Variants in MACROD2 observed in about 807,000 individuals in gnomAD.
MACROD2 encodes the protein mono-ADP ribosylhydrolase 2, also known as ADP-ribose glycohydrolase MACROD2.
A neutral mutation model predicts 70.4 loss-of-function variants in MACROD2; 36 were observed. That is an observed-to-expected ratio of 0.51 (90% confidence interval 0.39 to 0.68). The LOEUF is 0.68. MACROD2 is among the 30% of genes least tolerant of loss of function. MACROD2 has a pLI of 0.00. For synonymous variants in MACROD2, 172 were observed against 178.8 expected (o/e 0.96, Z 0.30); for missense variants, 496 against 538.4 (o/e 0.92, Z 0.78).
At chr20:14,448,655 G>C (rs778001846) in intron 3 of MACROD2, among the ~76,000 whole-genome samples, 1 of 151,162 alleles carries the variant, frequency 6.6e-6, no homozygotes, top group Non-Finnish European at 1.5e-5. Flanking sequence ...GCAATAGATC[G>C]ACACTCCCTC....
At chr20:14,406,789 T>C (rs2122853227) in intron 3 of MACROD2, among the ~76,000 whole-genome samples, 1 of 152,332 alleles carries the variant, frequency 6.6e-6, no homozygotes, top group Non-Finnish European at 1.5e-5. Flanking sequence ...TAAGTCATTC[T>C]GTAAATACTT....
intron 5 of MACROD2, among the ~76,000 whole-genome samples, chr20:15,179,338 A>G (rs1222632398): frequency 2.0e-5 from 3 of 152,176 alleles, no homozygotes. Flanking sequence ...CAGATTGTTT[A>G]GTAAATTACC....
chr20:15,468,495 C>T (rs568937642), intron 7 of MACROD2, among the ~76,000 whole-genome samples: 1 of 152,044 alleles, frequency 6.6e-6, no homozygotes, highest in Non-Finnish European at 1.5e-5. Context: ...ATGGCATTAT[C>T]TATGAAAACA....
chr20:16,050,106 C>T lies in MACROD2; in HGVS notation c.*230C>T. 1 of 423,966 alleles carries T rather than the reference C, an allele frequency of 2.4e-6. No individual in the cohort carries two copies. Among genetic ancestry groups the T allele is most frequent in the Non-Finnish European group, 4.3e-6 (1 of 233,020 alleles). The allele number at this position is 423,966 out of a possible 1,614,324, so 26.3% of individuals were successfully genotyped here. Reference sequence around the variant, plus strand: ...TTTGGTGGAGGGACCCATGTTGACGCATCTTTCAGGCATTATCCTTGTAAT... The same window carrying T: ...TTTGGTGGAGGGACCCATGTTGACGTATCTTTCAGGCATTATCCTTGTAAT... On this transcript the variant is annotated 3_prime_UTR_variant, in exon 18 of 18. Coordinates refer to ENST00000684519, the MANE Select transcript of MACROD2 (RefSeq NM_001351661.2).
At chr20:14,302,891 A>T (rs1223944129) in intron 3 of MACROD2, among the ~76,000 whole-genome samples, 2 of 151,770 alleles carry the variant, frequency 1.3e-5, no homozygotes, top group Non-Finnish European at 2.9e-5. Flanking sequence ...TAACCTCATG[A>T]CCCACCCGCC....
At chr20:14,183,965 A>T (rs2081325202) in intron 3 of MACROD2, among the ~76,000 whole-genome samples, 1 of 151,802 alleles carries the variant, frequency 6.6e-6, no homozygotes, top group African/African-American at 2.4e-5. Context: ...GTTTGCAAAA[A>T]TTTTCTTTCA....
intron 10 of MACROD2, among the ~76,000 whole-genome samples, chr20:15,913,870 A>C (rs941256251): frequency 6.6e-6 from 1 of 152,256 alleles, no homozygotes; most frequent in African/African-American, 2.4e-5. Flanking sequence ...AATACTAGGC[A>C]CTCAGTAAAT....
chr20:15,348,504 A>G (rs2078191126), intron 6 of MACROD2, among the ~76,000 whole-genome samples: 1 of 152,216 alleles, frequency 6.6e-6, no homozygotes, highest in South Asian at 2.1e-4. Flanking sequence ...GCTAAAGAAT[A>G]TGAGTGTGTA....
intron 3 of MACROD2, among the ~76,000 whole-genome samples, chr20:14,371,810 CTCTTTTCTTT>C (rs887754335): frequency 6.6e-6 from 1 of 151,928 alleles, no homozygotes; most frequent in Admixed American, 6.6e-5. Flanking sequence ...TCCATGATTG[CTCTTTTCTTT>C]TCTTTTCTTT....
intron 5 of MACROD2, among the ~76,000 whole-genome samples, chr20:14,746,776 G>C (rs1340201317): frequency 2.0e-5 from 3 of 152,164 alleles, no homozygotes; most frequent in African/African-American, 7.2e-5. Context: ...TTTCAAAAAG[G>C]GTCTAATTTA....
At chr20:14,658,321 G>A (rs1442102436) in intron 4 of MACROD2, among the ~76,000 whole-genome samples, 1 of 152,040 alleles carries the variant, frequency 6.6e-6, no homozygotes, top group African/African-American at 2.4e-5. Flanking sequence ...AAAATTGTCT[G>A]GAGACAGATA....
At chr20:15,726,791 G>T (rs778603375) in intron 8 of MACROD2, among the ~76,000 whole-genome samples, 14 of 151,930 alleles carry the variant, frequency 9.2e-5, no homozygotes, top group Non-Finnish European at 2.1e-4. Flanking sequence ...TTTTTTGCTT[G>T]TTAATTTGTT....
At chr20:14,347,753 T>C (rs923347328) in intron 3 of MACROD2, among the ~76,000 whole-genome samples, 1 of 152,160 alleles carries the variant, frequency 6.6e-6, no homozygotes, top group Non-Finnish European at 1.5e-5. Flanking sequence ...GAATGAAAAC[T>C]GACCCTTGCC....
intron 17 of MACROD2, among the ~76,000 whole-genome samples, chr20:16,049,177 T>C (rs1187668504): frequency 1.3e-5 from 2 of 152,048 alleles, no homozygotes; most frequent in African/African-American, 4.8e-5. Flanking sequence ...GGAAGGGAAC[T>C]TTCCAGGGTG....
intron 10 of MACROD2, among the ~76,000 whole-genome samples, chr20:15,914,107 TAGTTAC>T (rs2065276371): frequency 6.6e-6 from 1 of 152,238 alleles, no homozygotes; most frequent in African/African-American, 2.4e-5. Context: ...CAGAATATGG[TAGTTAC>T]AGTTACAGGA....
intron 4 of MACROD2, among the ~76,000 whole-genome samples, chr20:14,505,075 T>C (rs1369280003): frequency 1.3e-5 from 2 of 152,238 alleles, no homozygotes; most frequent in African/African-American, 2.4e-5. Flanking sequence ...AAATGATTAC[T>C]CTAAGGATAC....
intron 9 of MACROD2, among the ~76,000 whole-genome samples, chr20:15,881,216 A>G (rs2064750488): frequency 6.6e-6 from 1 of 152,128 alleles, no homozygotes; most frequent in African/African-American, 2.4e-5. Flanking sequence ...CACTGCACAG[A>G]TAAAACTAAT....
chr20:15,470,841 T>C (rs2046955175), intron 7 of MACROD2, among the ~76,000 whole-genome samples: 1 of 152,218 alleles, frequency 6.6e-6, no homozygotes, highest in South Asian at 2.1e-4. Context: ...ACTGTGATTC[T>C]GAACATAGAA....
chr20:15,768,584 A>G (rs1482196105), intron 8 of MACROD2, among the ~76,000 whole-genome samples: 1 of 152,200 alleles, frequency 6.6e-6, no homozygotes, highest in African/African-American at 2.4e-5. Flanking sequence ...GAAACACTGT[A>G]CACTTAGGCT....
Sources: gnomAD v4.1 joint callset for allele counts (sites outside exome capture counted in the v4.1 genomes callset) on GRCh38, gnomAD v4.1.1 for gene constraint, MANE v1.5 for transcripts, NCBI Gene and HGNC (gene_info 2026-07-23, HGNC 2026-07-21) for gene names.